Variants in PLPPR5 observed in about 807,000 individuals in gnomAD.
The protein encoded by PLPPR5 is phospholipid phosphatase related 5, also known as phospholipid phosphatase-related protein type 5.
Under a neutral mutation model 33.9 loss-of-function variants are expected in PLPPR5, and 16 were observed. That is an observed-to-expected ratio of 0.47 (90% CI 0.32 to 0.72). The LOEUF is 0.72. Among genes scored for constraint, PLPPR5 ranks in the 30% least tolerant of loss-of-function variants. The pLI is 0.03. For missense variants in PLPPR5, 301 were observed against 406.7 expected (o/e 0.74, Z 2.23); for synonymous variants, 163 against 150.3 (o/e 1.08, Z -0.62).
chr1:98,986,618 T>G (rs1168749440), intron 1 of PLPPR5, among the ~76,000 whole-genome samples: 1 of 151,892 alleles, frequency 6.6e-6, no homozygotes. Context: ...AGGAAAAGTA[T>G]AGGCCAAAAA....
chr1:98,949,185 A>G (rs569664656), intron 3 of PLPPR5, among the ~76,000 whole-genome samples: 94 of 152,316 alleles, frequency 6.2e-4, no homozygotes, highest in African/African-American at 2.2e-3. Flanking sequence ...CTGAATTATA[A>G]ATTTGATGAC....
intron 1 of PLPPR5, among the ~76,000 whole-genome samples, chr1:98,984,315 A>T (rs887913977): frequency 6.6e-6 from 1 of 152,070 alleles, no homozygotes; most frequent in South Asian, 2.1e-4. Context: ...ATTTGTTCTA[A>T]GGGAACCAAG....
intron 1 of PLPPR5, among the ~76,000 whole-genome samples, chr1:98,965,094 T>A (rs1253186704): frequency 6.6e-6 from 1 of 151,562 alleles, no homozygotes; most frequent in African/African-American, 2.4e-5. Context: ...ATTACAGGCA[T>A]GAACCACTGC....
chr1:98,924,328 A>G (rs1453666438), intron 3 of PLPPR5, among the ~76,000 whole-genome samples: 1 of 152,188 alleles, frequency 6.6e-6, no homozygotes. Context: ...TGTCGAGAAA[A>G]GACAGGCGTA....
chr1:98,970,231 A>G (rs763193612), intron 1 of PLPPR5, among the ~76,000 whole-genome samples: 6 of 152,086 alleles, frequency 3.9e-5, no homozygotes. Context: ...AGAATACACA[A>G]AGAAAAGCAT....
chr1:99,004,375 C>T (rs776878320), intron 1 of PLPPR5, 60 bp downstream of exon 1: 2 of 1,448,296 alleles, frequency 1.4e-6, no homozygotes, highest in African/African-American at 2.8e-5. Flanking sequence ...GGGCCTCAAC[C>T]CCGAAGGCGA....
chr1:98,922,414 C>T (rs1649597127), intron 3 of PLPPR5, among the ~76,000 whole-genome samples: 1 of 152,116 alleles, frequency 6.6e-6, no homozygotes, highest in South Asian at 2.1e-4. Flanking sequence ...AGATCAACCT[C>T]AACAATATTA....
chr1:99,004,950 G>T (rs370617639), upstream of PLPPR5: 2 of 164,258 alleles, frequency 1.2e-5, no homozygotes, highest in East Asian at 1.8e-4. Flanking sequence ...GCGCGGGGTC[G>T]CGAGGGAGGG....
chr1:98,986,046 T>C (rs1652249993), intron 1 of PLPPR5, among the ~76,000 whole-genome samples: 1 of 152,002 alleles, frequency 6.6e-6, no homozygotes, highest in African/African-American at 2.4e-5. Flanking sequence ...GTTAATGGGA[T>C]AAAAGTTTAC....
At chr1:98,959,350 A>G (rs1010485686) in intron 1 of PLPPR5, among the ~76,000 whole-genome samples, 1 of 152,090 alleles carries the variant, frequency 6.6e-6, no homozygotes, top group African/African-American at 2.4e-5. Context: ...GGAATTTCCG[A>G]TTTGTGTCCT....
chr1:98,986,768 A>G (rs1427093384), intron 1 of PLPPR5, among the ~76,000 whole-genome samples: 1 of 151,870 alleles, frequency 6.6e-6, no homozygotes, highest in African/African-American at 2.4e-5. Context: ...TCAAAAGTAC[A>G]CTGATGCAAA....
At chr1:98,986,521 T>A (rs571182722) in intron 1 of PLPPR5, among the ~76,000 whole-genome samples, 9 of 151,964 alleles carry the variant, frequency 5.9e-5, no homozygotes, top group African/African-American at 2.2e-4. Context: ...TAAAAGAAGT[T>A]GTAAAGTATA....
At chr1:98,987,109 G>C (rs1244794323) in intron 1 of PLPPR5, among the ~76,000 whole-genome samples, 2 of 151,692 alleles carry the variant, frequency 1.3e-5, no homozygotes, top group African/African-American at 4.8e-5. Flanking sequence ...ATATTGTTTT[G>C]ATCAAGTGTT....
intron 1 of PLPPR5, among the ~76,000 whole-genome samples, chr1:98,978,157 A>G (rs1335037769): frequency 6.6e-6 from 1 of 152,044 alleles, no homozygotes; most frequent in Non-Finnish European, 1.5e-5. Flanking sequence ...CTATCTTTGT[A>G]TCACTAGACC....
chr1:98,981,456 C>T (rs561280063), intron 1 of PLPPR5, among the ~76,000 whole-genome samples: 15 of 152,200 alleles, frequency 9.9e-5, no homozygotes, highest in African/African-American at 2.2e-4. Context: ...CCTTCACTTC[C>T]GTGACTAGCA....
intron 3 of PLPPR5, among the ~76,000 whole-genome samples, chr1:98,924,370 C>T (rs1308386887): frequency 1.3e-5 from 2 of 152,160 alleles, no homozygotes; most frequent in East Asian, 1.9e-4. Context: ...ACTTAGGTAT[C>T]TCCTAATCTT....
At chr1:98,943,884 T>C (rs765272029) in intron 3 of PLPPR5, among the ~76,000 whole-genome samples, 1 of 152,150 alleles carries the variant, frequency 6.6e-6, no homozygotes, top group Non-Finnish European at 1.5e-5. Flanking sequence ...TCCAATTCCA[T>C]TCCAAAAAGA....
chr1:98,967,806 A>G (rs1411542066), intron 1 of PLPPR5, among the ~76,000 whole-genome samples: 1 of 152,140 alleles, frequency 6.6e-6, no homozygotes, highest in East Asian at 1.9e-4. Flanking sequence ...AGTCATTATT[A>G]GGTAGCCCTG....
intron 5 of PLPPR5, among the ~76,000 whole-genome samples, chr1:98,904,377 A>G (rs901111590): frequency 6.6e-6 from 1 of 151,688 alleles, no homozygotes; most frequent in East Asian, 1.9e-4. Context: ...ATTTCCTCAA[A>G]AAGCATTTTC....
Sources: gnomAD v4.1 joint callset for allele counts (sites outside exome capture counted in the v4.1 genomes callset) on GRCh38, gnomAD v4.1.1 for gene constraint, MANE v1.5 for transcripts, NCBI Gene and HGNC (gene_info 2026-07-23, HGNC 2026-07-21) for gene names.